Variants in C3orf20 observed in about 807,000 individuals in gnomAD.
The protein encoded by C3orf20 is family with sequence similarity 149 member C.
A neutral mutation model predicts 88.3 loss-of-function variants in C3orf20; 76 were observed. That is an observed-to-expected ratio of 0.86 (90% CI 0.72 to 1.04). C3orf20 has a LOEUF of 1.04. Among genes scored for constraint, C3orf20 ranks in the 50% least tolerant of loss-of-function variants. C3orf20 has a pLI of 0.00. For synonymous variants in C3orf20, 436 were observed against 437.4 expected (o/e 1.00, Z 0.04); for missense variants, 1,056 against 1,123.3 (o/e 0.94, Z 0.86).
rs1282099894 is a variant in C3orf20, at chr3:14,768,022, T to C, written c.2496-4045T>C. On this transcript the variant is annotated intron_variant, in intron 15 of 16. Coordinates refer to ENST00000253697, the MANE Select transcript of C3orf20 (RefSeq NM_032137.5). The surrounding 1 kb of genome is among the most constrained non-coding windows in gnomAD (Gnocchi z 4.1). The stretch of plus-strand genomic sequence containing the variant: ...AGACAGAGCGCTACAGAAACACCAA[T>C]GTGAGCCTCAAGAGGCTTTGTATCC... Among the ~76,000 whole-genome samples the C allele has an allele frequency of 6.6e-6, 1 of 152,146 alleles. No individual in the cohort carries two copies. Among genetic ancestry groups the C allele is most frequent in the African/African-American group, 2.4e-5 (1 of 41,420 alleles).
chr3:14,681,705 A>G (rs1415061431), intron 1 of C3orf20, among the ~76,000 whole-genome samples: 2 of 152,240 alleles, frequency 1.3e-5, no homozygotes, highest in African/African-American at 4.8e-5. Flanking sequence ...TTAATTTGAT[A>G]TATTATTAAA....
chr3:14,692,427 A>T (rs2032780948), intron 5 of C3orf20, among the ~76,000 whole-genome samples: 1 of 152,172 alleles, frequency 6.6e-6, no homozygotes, highest in Non-Finnish European at 1.5e-5. Flanking sequence ...TGTCTTTTGG[A>T]CAAAAGCCAT....
chr3:14,724,962 A>G (rs1042245963), intron 10 of C3orf20, among the ~76,000 whole-genome samples: 1 of 152,252 alleles, frequency 6.6e-6, no homozygotes, highest in Admixed American at 6.5e-5. Flanking sequence ...AGGGACAAAC[A>G]GACCAATACA....
intron 5 of C3orf20, among the ~76,000 whole-genome samples, chr3:14,696,279 T>A (rs2032996498): frequency 6.6e-6 from 1 of 151,538 alleles, no homozygotes; most frequent in Admixed American, 6.6e-5. Flanking sequence ...CTAATAAAAC[T>A]CTACACCTTA....
intron 5 of C3orf20, among the ~76,000 whole-genome samples, chr3:14,691,308 C>T (rs1306996223): frequency 6.6e-6 from 1 of 152,188 alleles, no homozygotes; most frequent in African/African-American, 2.4e-5. Flanking sequence ...ATTGCATGTG[C>T]GCCTGGCTTA....
At chr3:14,702,770 G>A (rs117753352) in intron 5 of C3orf20, among the ~76,000 whole-genome samples, 1,892 of 152,070 alleles carry the variant, frequency 0.012, 71 homozygotes, top group East Asian at 0.087. Flanking sequence ...GCAATCATGC[G>A]TTCCCAACAG....
intron 10 of C3orf20, among the ~76,000 whole-genome samples, chr3:14,726,154 C>T (rs2034338027): frequency 6.6e-6 from 1 of 152,184 alleles, no homozygotes; most frequent in Non-Finnish European, 1.5e-5. Flanking sequence ...TGGGAACAGC[C>T]CCTTTGACGG....
intron 12 of C3orf20, among the ~76,000 whole-genome samples, chr3:14,734,218 T>C (rs1297311210): frequency 6.6e-6 from 1 of 152,172 alleles, no homozygotes; most frequent in Non-Finnish European, 1.5e-5. Flanking sequence ...CTCTTATCTT[T>C]ATTGTTTCCT....
intron 5 of C3orf20, among the ~76,000 whole-genome samples, chr3:14,700,323 A>G (rs902877910): frequency 2.0e-5 from 3 of 152,142 alleles, no homozygotes; most frequent in African/African-American, 7.2e-5. Context: ...CTATTTGGCC[A>G]TCTTTCCCCA....
chr3:14,683,339 C>G (rs2032212842), intron 3 of C3orf20, 142 bp downstream of exon 3: 2 of 1,075,744 alleles, frequency 1.9e-6, no homozygotes, highest in Admixed American at 3.0e-5. Flanking sequence ...GAATCATCCT[C>G]TCACTCCTCC....
chr3:14,688,616 C>T (rs906958819), intron 4 of C3orf20, among the ~76,000 whole-genome samples: 3 of 151,908 alleles, frequency 2.0e-5, no homozygotes, highest in Non-Finnish European at 4.4e-5. Context: ...GTCTTCCCTC[C>T]TGTCCTGATA....
intron 7 of C3orf20, among the ~76,000 whole-genome samples, chr3:14,707,399 TTTAAC>T (rs2033553956): frequency 6.6e-6 from 1 of 152,042 alleles, no homozygotes; most frequent in African/African-American, 2.4e-5. Flanking sequence ...TCACTGTGGT[TTTAAC>T]TTATGTTTAC....
At chr3:14,716,998 C>T (rs1455358896) in intron 9 of C3orf20, among the ~76,000 whole-genome samples, 1 of 152,122 alleles carries the variant, frequency 6.6e-6, no homozygotes, top group Non-Finnish European at 1.5e-5. Context: ...AGTGTATAAT[C>T]CAAGATTAGA....
At chr3:14,735,447 G>C (rs184061919) in intron 12 of C3orf20, among the ~76,000 whole-genome samples, 2 of 152,154 alleles carry the variant, frequency 1.3e-5, no homozygotes, top group East Asian at 3.9e-4. Flanking sequence ...AATTACTAAA[G>C]TATAATATAC....
chr3:14,761,474 T>G lies in C3orf20; in HGVS notation c.2354T>G (p.Met785Arg). The G allele has an allele frequency of 6.2e-7, 1 of 1,614,090 alleles. No homozygotes were observed. The highest frequency in any genetic ancestry group is 8.5e-7 in the Non-Finnish European group (1 of 1,180,016). ...TCCTCATTTCCTTCCTGTCAACAGA[T>G]GTTTGCCGGGGGGAAGCTCATTTTT... The part of the protein sequence containing the change: ...KNSVVQGMIL[M>R]FAGGKLIFGG... Residue 785 changes from methionine (M) to arginine (R), a missense_variant and splice_region_variant, in exon 15 of 17, where the codon ATG (methionine) becomes AGG (arginine). Physicochemically the swap from Met to Arg is moderately conservative, Grantham distance 91. Transcript: ENST00000253697.
Position 14,759,775 on chromosome 3 carries a change from G to A in C3orf20, c.2245-116G>A, listed in dbSNP as rs2035499557. ...CCTGGAGCAGGAGGAGTTGGGGAGAGGGAGTTGTACAGGGCTCCAGGACTC... is the reference window on the plus strand; with the variant it reads ...CCTGGAGCAGGAGGAGTTGGGGAGAAGGAGTTGTACAGGGCTCCAGGACTC... On this transcript the variant is annotated intron_variant, in intron 13 of 16. Coordinates refer to ENST00000253697, the MANE Select transcript of C3orf20 (RefSeq NM_032137.5). 7 of 775,064 alleles carry A rather than the reference G, an allele frequency of 9.0e-6. No homozygotes were observed. The South Asian group carries it at 9.6e-5, about 11-fold the overall frequency. 48.0% of individuals were successfully genotyped at this position (775,064 alleles called of 1,614,324 possible).
chr3:14,769,981 G>C (rs549053411), intron 15 of C3orf20, among the ~76,000 whole-genome samples: 1 of 152,108 alleles, frequency 6.6e-6, no homozygotes. Context: ...GCTTCTTTCC[G>C]AGCCTTTTCC....
chr3:14,690,747 A>G (rs143288330), intron 5 of C3orf20, among the ~76,000 whole-genome samples: 2 of 152,344 alleles, frequency 1.3e-5, no homozygotes, highest in African/African-American at 4.8e-5. Context: ...GGTCTGGCAG[A>G]ACTCCCAGGC....
intron 5 of C3orf20, among the ~76,000 whole-genome samples, chr3:14,690,815 C>T (rs980416248): frequency 1.3e-5 from 2 of 152,190 alleles, no homozygotes; most frequent in Admixed American, 6.5e-5. Flanking sequence ...GAGAGGACCA[C>T]GTTCCTGAAG....
Sources: allele counts gnomAD v4.1 joint callset (sites outside exome capture counted in the v4.1 genomes callset), GRCh38; gene constraint gnomAD v4.1.1; non-coding constraint Gnocchi (gnomAD v3.1); transcripts MANE v1.5; gene names NCBI Gene and HGNC (gene_info 2026-07-23, HGNC 2026-07-21).